NUP210: variants seen among roughly 807,000 people sequenced by gnomAD.
The protein encoded by NUP210 is nuclear pore membrane glycoprotein 210.
A neutral mutation model predicts 196.0 loss-of-function variants in NUP210; 151 were observed. That is an observed-to-expected ratio of 0.77 (90% CI 0.67 to 0.88). The LOEUF is 0.88. Ranked by LOEUF, NUP210 falls within the 40% of genes least tolerant of loss-of-function variation. The pLI is 0.00. For synonymous variants in NUP210, 1,070 were observed against 1,052.7 expected (o/e 1.02, Z -0.32); for missense variants, 2,314 against 2,493.7 (o/e 0.93, Z 1.53).
intron 30 of NUP210, among the ~76,000 whole-genome samples, 193 bp from the exon 31 acceptor site, chr3:13,329,139 T>C (rs931613667): frequency 3.3e-5 from 5 of 152,148 alleles, no homozygotes; most frequent in Non-Finnish European, 7.4e-5. Flanking sequence ...ACAAGGTTCT[T>C]ACTTCCCAAC....
chr3:13,341,669 T>A, intron 23 of NUP210, 79 bp downstream of exon 23: 1 of 1,507,164 alleles, frequency 6.6e-7, no homozygotes, highest in Non-Finnish European at 9.1e-7. Flanking sequence ...TACAGTAGCT[T>A]CCTGGACTGT....
Position 13,376,387 on chromosome 3 carries a change from C to A in NUP210, c.1197G>T (p.Val399=). ...ETVLPAEFFE[V]LSSSQNGSYH... is the part of the protein sequence containing the mutation. ...ATGACCCATTCTGGGAGGACGAGAG[C>A]ACCTCGAAGAACTCAGCAGGAAGCA... Residue 399 remains valine, a synonymous_variant, in exon 10 of 40, where the codon GTG becomes GTT. Coordinates refer to ENST00000254508, the MANE Select transcript of NUP210 (RefSeq NM_024923.4). 6.2e-7 allele frequency: 1 copy of A among 1,614,216 alleles called. No individual in the cohort carries two copies. Among genetic ancestry groups the A allele is most frequent in the Non-Finnish European group, 8.5e-7 (1 of 1,180,024 alleles).
intron 26 of NUP210, 92 bp downstream of exon 26, chr3:13,337,745 T>A: frequency 8.5e-7 from 1 of 1,182,190 alleles, no homozygotes; most frequent in Non-Finnish European, 1.2e-6. Context: ...GCCAGGCAGA[T>A]GGAGGAGGTG....
Position 13,371,957 on chromosome 3 carries a change from G to C in NUP210, c.1663C>G (p.Leu555Val). 6.2e-7 allele frequency: 1 copy of C among 1,604,492 alleles called. No individual in the cohort carries two copies. The highest frequency in any genetic ancestry group is 8.5e-7 in the Non-Finnish European group (1 of 1,175,780). The change falls in exon 13 of 40, where the codon CTG becomes GTG. Residue 555 changes from leucine (L) to valine (V), a missense_variant. By Grantham distance (32) the Leu-to-Val change is conservative (BLOSUM62 1). Transcript: ENST00000254508. ...ATGAGGCCACTGATCCTCAGGGGCA[G>C]CTCCAGGGCCTGGCCCACACGTGCC... ...VEARVGQALE[L>V]PLRISGLMPG... is the part of the protein sequence containing the mutation.
intron 14 of NUP210, among the ~76,000 whole-genome samples, chr3:13,365,542 G>A (rs761595865): frequency 5.9e-5 from 9 of 152,184 alleles, no homozygotes; most frequent in East Asian, 1.9e-4. Context: ...CATACCACAC[G>A]GCCGCTGTCC....
In NUP210 at chr3:13,323,318, T is replaced by G; in HGVS notation, c.4759A>C (p.Asn1587His). The G allele has an allele frequency of 6.2e-7, 1 of 1,614,138 alleles. No homozygotes were observed. The highest frequency in any genetic ancestry group is 8.5e-7 in the Non-Finnish European group (1 of 1,179,992). ...GCCCCTCATTAAGTACCTCTCAGGT[T>G]AGAGCTTCTGTCTCCCACGGCAACA... ...VIVAVGDRSS[N>H]LRGECTPTQR... Residue 1587 changes from asparagine (N) to histidine (H), a missense_variant, in exon 34 of 40, where the codon AAC becomes CAC. Transcript: ENST00000254508. This position sits in a 1 kb window ranked among gnomAD's most constrained non-coding sequence, Gnocchi z 4.3.
intron 1 of NUP210, among the ~76,000 whole-genome samples, chr3:13,417,484 C>T (rs772707363): frequency 1.1e-4 from 16 of 152,156 alleles, no homozygotes; most frequent in Non-Finnish European, 1.9e-4. Flanking sequence ...AGAGACTTAA[C>T]AATGAACTTT....
In NUP210 at chr3:13,375,594, C is replaced by A. The variant is rs1198789017; in HGVS notation, c.1341G>T (p.Glu447Asp). The change falls in exon 11 of 40, where the codon GAG becomes GAT. Residue 447 changes from glutamate (E) to aspartate (D), a missense_variant. Physicochemically the swap from Glu to Asp is conservative, Grantham distance 45. Transcript: ENST00000254508. ...ILQVPVWNQQ[E>D]VEIHIPITLY... ...GGGTGATCGGGATGTGAATTTCCAC[C>A]TCCTGCTGGTTCCACACAGGCACCT... The A allele has an allele frequency of 6.2e-7, 1 of 1,614,092 alleles. No individual in the cohort carries two copies. The highest frequency in any genetic ancestry group is 1.7e-5 in the Admixed American group (1 of 60,020).
intron 16 of NUP210, 144 bp downstream of exon 16, chr3:13,358,078 T>G: frequency 1.5e-6 from 1 of 685,626 alleles, no homozygotes; most frequent in East Asian, 2.9e-5. Flanking sequence ...ACCAGCGTCC[T>G]CACAGGGCCA....
intron 30 of NUP210, 49 bp from the exon 31 acceptor site, chr3:13,328,995 C>CA: frequency 6.4e-7 from 1 of 1,568,386 alleles, no homozygotes; most frequent in Non-Finnish European, 8.7e-7. Flanking sequence ...CAGGGACTGG[C>CA]CTCCAGGAAA....
In NUP210 at chr3:13,360,383, T is replaced by A. The variant is rs1475218665; in HGVS notation, c.2041A>T (p.Asn681Tyr). Reference protein sequence around the residue: ...WILEPSKFFQNVTAEDTDSIG... With the variant: ...WILEPSKFFQYVTAEDTDSIG... Reference sequence around the variant, plus strand: ...CTGTCAGTGTCCTCAGCGGTGACGTTCTGGAAGAATTTGGACGGCTCGAGG... The same window carrying A: ...CTGTCAGTGTCCTCAGCGGTGACGTACTGGAAGAATTTGGACGGCTCGAGG... The change falls in exon 15 of 40, where the codon AAC becomes TAC. Residue 681 changes from asparagine (N) to tyrosine (Y), a missense_variant. Transcript: ENST00000254508. 1 of 1,614,006 alleles carries A rather than the reference T, an allele frequency of 6.2e-7. No homozygotes were observed. Among genetic ancestry groups the A allele is most frequent in the Non-Finnish European group, 8.5e-7 (1 of 1,180,014 alleles).
At chr3:13,358,445 C>T (rs1443884039) in intron 15 of NUP210, 50 bp from the exon 16 acceptor site, 3 of 1,540,418 alleles carry the variant, frequency 1.9e-6, no homozygotes, top group African/African-American at 2.7e-5. Flanking sequence ...GTTCTCACTC[C>T]TCTCTGAGCT....
rs776185014 is a variant in NUP210 at position 13,354,093 on chromosome 3, G to C, written c.2343C>G (p.Ser781Arg). ...CCAGGTCCAGCCGGGGGTTGCGGTG[G>C]CTGGACACTGGGACCTGCAGGGAAC... ...QQNKQVVPVSSHRNPRLDLAA... is the reference protein window; with the variant it reads ...QQNKQVVPVSRHRNPRLDLAA... The change falls in exon 17 of 40, where the codon AGC becomes AGG. Residue 781 changes from serine to arginine, a missense_variant. Physicochemically the swap from Ser to Arg is moderately radical, Grantham distance 110. Transcript: ENST00000254508. 2 of 1,592,914 alleles carry C rather than the reference G, an allele frequency of 1.3e-6. No homozygotes were observed. Among genetic ancestry groups the C allele is most frequent in the East Asian group, 4.6e-5 (2 of 43,532 alleles).
intron 14 of NUP210, among the ~76,000 whole-genome samples, chr3:13,362,728 C>T (rs897951777): frequency 7.2e-5 from 11 of 152,126 alleles, no homozygotes; most frequent in Non-Finnish European, 1.6e-4. Context: ...AACCCATCCC[C>T]GGACTCGACC....
rs780188319 is a variant in NUP210 at position 13,343,236 on chromosome 3, G to T, written c.2903C>A (p.Pro968Gln). ...CGACACGTAAACGACAGCCTTGGCT[G>T]GGGCCGGGAAGACGAGGCACAAGTC... is the stretch of plus-strand genomic sequence containing the variant. ...IHDLCLVFPA[P>Q]AKAVVYVSDI... is the part of the protein sequence containing the mutation. Residue 968 changes from proline to glutamine, a missense_variant, in exon 21 of 40, where the codon CCA becomes CAA. By Grantham distance (76) the Pro-to-Gln change is moderately conservative (BLOSUM62 -1). Transcript: ENST00000254508. 51 of 1,614,044 alleles carry T rather than the reference G, an allele frequency of 3.2e-5. No homozygotes were observed. Among genetic ancestry groups the T allele is most frequent in the Non-Finnish European group, 4.2e-5 (49 of 1,180,020 alleles).
chr3:13,371,511 C>T (rs984082264), intron 13 of NUP210, among the ~76,000 whole-genome samples: 19 of 152,226 alleles, frequency 1.2e-4, no homozygotes, highest in African/African-American at 4.3e-4. Context: ...AACCAAACCC[C>T]TATTGACAAC....
In NUP210 at chr3:13,322,697, T is replaced by C. The variant is rs148750685; in HGVS notation, c.4769-358A>G. Among the ~76,000 whole-genome samples, 1,213 of 152,356 alleles carry C rather than the reference T, an allele frequency of 8.0e-3. 13 individuals carry two copies. The highest frequency in any genetic ancestry group is 1.0e-2 in the Non-Finnish European group (679 of 68,034). ...CTTCTGCACATTCAGAGGGCACTAG[T>C]TCTCCACTAACATCTGAGCAGCATT... On this transcript the variant is annotated intron_variant, in intron 34 of 39. Transcript: ENST00000254508.
chr3:13,404,816 C>T (rs2124953917), intron 1 of NUP210, among the ~76,000 whole-genome samples: 1 of 152,278 alleles, frequency 6.6e-6, no homozygotes, highest in East Asian at 1.9e-4. Flanking sequence ...AAGAGCTGGC[C>T]AGTCATGTGC....
intron 1 of NUP210, among the ~76,000 whole-genome samples, chr3:13,401,124 T>C (rs980947214): frequency 7.3e-5 from 11 of 151,518 alleles, no homozygotes; most frequent in African/African-American, 2.7e-4. Context: ...CCAGGCTTGG[T>C]GGCAGGTACC....
Sources: gnomAD v4.1 joint callset for allele counts (sites outside exome capture counted in the v4.1 genomes callset) on GRCh38, gnomAD v4.1.1 for gene constraint, Gnocchi (gnomAD v3.1) non-coding constraint, MANE v1.5 for transcripts, NCBI Gene and HGNC (gene_info 2026-07-23, HGNC 2026-07-21) for gene names.